SNX4: variants seen among roughly 807,000 people sequenced by gnomAD.
SNX4 encodes sorting nexin 4, also known as sorting nexin-4.
Under a neutral mutation model 70.8 loss-of-function variants are expected in SNX4, and 49 were observed. The observed-to-expected ratio is 0.69, with a 90% CI of 0.55 to 0.88. The LOEUF is 0.88. SNX4 is among the 40% of genes least tolerant of loss of function. The pLI is 0.00. For missense variants in SNX4, 528 were observed against 544.8 expected, an observed-to-expected ratio of 0.97 and a Z score of 0.31; for synonymous variants, 206 against 183.8, an observed-to-expected ratio of 1.12 and a Z score of -0.98.
At chr3:125,454,446 C>T (rs1158270650) in intron 11 of SNX4, among the ~76,000 whole-genome samples, 2 of 152,196 alleles carry the variant, frequency 1.3e-5, no homozygotes, top group African/African-American at 4.8e-5. Context: ...AGTTTCATCC[C>T]GAAATCATCC....
At chr3:125,451,867 T>C (rs1228924872) in intron 12 of SNX4, among the ~76,000 whole-genome samples, 2 of 152,104 alleles carry the variant, frequency 1.3e-5, no homozygotes, top group Non-Finnish European at 1.5e-5. Flanking sequence ...GCTCAGGTGA[T>C]CTGCCCACCT....
Position 125,446,697 on chromosome 3 carries a change from C to T in SNX4, c.*1082G>A, listed in dbSNP as rs1933430945. 6.6e-6 allele frequency: 1 copy of T among 152,356 alleles called. No homozygotes were observed. The highest frequency in any genetic ancestry group is 1.5e-5 in the Non-Finnish European group (1 of 67,982). 9.4% of individuals were successfully genotyped at this position (152,356 alleles called of 1,614,324 possible). A position where few individuals can be genotyped will look rare whatever the true frequency, so the allele number is the denominator to read the frequency against. On this transcript the variant is annotated 3_prime_UTR_variant, in exon 14 of 14. Transcript: ENST00000251775. ...TATTGTATAAGTTTGGCAAACAGCA[C>T]AAAAATCCAGCAACATTTAAAACAT...
At chr3:125,485,900 G>C (rs1001166590) in intron 6 of SNX4, among the ~76,000 whole-genome samples, 1 of 152,058 alleles carries the variant, frequency 6.6e-6, no homozygotes, top group African/African-American at 2.4e-5. Flanking sequence ...GAGTGCAATG[G>C]CGCGATCTTG....
intron 11 of SNX4, among the ~76,000 whole-genome samples, chr3:125,454,368 G>A (rs934354546): frequency 2.0e-5 from 3 of 152,292 alleles, no homozygotes; most frequent in Non-Finnish European, 4.4e-5. Flanking sequence ...TGTGAACTGC[G>A]CATGTGAGGG....
At chr3:125,489,308 A>G in intron 6 of SNX4, 100 bp downstream of exon 6, 3 of 880,114 alleles carry the variant, frequency 3.4e-6, no homozygotes. Flanking sequence ...TATGTAAACT[A>G]TTTAGCAAAT....
intron 5 of SNX4, among the ~76,000 whole-genome samples, chr3:125,492,107 C>CA (rs60558490): frequency 0.033 from 1,566 of 47,332 alleles, 177 homozygotes; most frequent in African/African-American, 0.074. Context: ...GACTCCATCT[C>CA]AAAAAAAAAA....
intron 1 of SNX4, among the ~76,000 whole-genome samples, chr3:125,513,128 G>A (rs1490818382): frequency 1.3e-5 from 2 of 152,120 alleles, no homozygotes; most frequent in African/African-American, 4.8e-5. Context: ...TAGGAGGTGG[G>A]GCCTTTGGAA....
At chr3:125,457,467 G>C in intron 10 of SNX4, 102 bp from the exon 11 acceptor site, 1 of 705,812 alleles carries the variant, frequency 1.4e-6, no homozygotes, top group East Asian at 3.3e-5. Context: ...CGCTAGGGCA[G>C]AATGTGTGTG....
Position 125,463,606 on chromosome 3 carries a change from C to T in SNX4, c.855-2746G>A, listed in dbSNP as rs148834727. 2.1e-3 allele frequency among the ~76,000 whole-genome samples: 323 copies of T among 152,170 alleles called. 2 individuals carry two copies. The highest frequency in any genetic ancestry group is 7.1e-3 in the African/African-American group (293 of 41,516). ...AGTAGCTAGTTGGTTTGGAACATGG[C>T]CTAAGGAAAAGTAATATTTAGATAA... On this transcript the variant is annotated intron_variant, in intron 9 of 13. Transcript: ENST00000251775.
chr3:125,459,089 A>G (rs893571174), intron 10 of SNX4, among the ~76,000 whole-genome samples: 3 of 152,196 alleles, frequency 2.0e-5, no homozygotes, highest in Admixed American at 6.5e-5. Flanking sequence ...CAGGAGAATC[A>G]CTTGTACCCA....
intron 6 of SNX4, among the ~76,000 whole-genome samples, chr3:125,485,252 A>G (rs1446588654): frequency 6.6e-6 from 1 of 152,178 alleles, no homozygotes; most frequent in East Asian, 1.9e-4. Context: ...TCTCAAAAAC[A>G]ACAAAGGCAA....
intron 2 of SNX4, among the ~76,000 whole-genome samples, chr3:125,502,461 T>C (rs1934949821): frequency 6.6e-6 from 1 of 152,174 alleles, no homozygotes; most frequent in Non-Finnish European, 1.5e-5. Context: ...AAACTTTTAT[T>C]TTAGGCAGAA....
rs1466466014 is a variant in SNX4, at chr3:125,514,192, T to A, written c.141+5840A>T. Among the ~76,000 whole-genome samples, 10 of 152,170 alleles carry A rather than the reference T, an allele frequency of 6.6e-5. No individual in the cohort carries two copies. The East Asian group carries it at 1.9e-3, about 29-fold the overall frequency. ...GACAGAAACATTCAATCCAAAGCAA[T>A]AACTAAGAAAAATAGGGTTATAACA... On this transcript the variant is annotated intron_variant, in intron 1 of 13. Transcript: ENST00000251775.
At chr3:125,473,501 C>T (rs145633201) in intron 8 of SNX4, among the ~76,000 whole-genome samples, 3 of 152,176 alleles carry the variant, frequency 2.0e-5, no homozygotes, top group Admixed American at 6.5e-5. Flanking sequence ...CTGCAACCTC[C>T]ACCTCCTAGT....
intron 2 of SNX4, among the ~76,000 whole-genome samples, chr3:125,500,675 G>A (rs904026399): frequency 1.6e-4 from 24 of 151,518 alleles, no homozygotes; most frequent in African/African-American, 5.1e-4. Context: ...GGTGTTGCGC[G>A]CCTGTAGTCC....
At chr3:125,458,774 C>T (rs1933794133) in intron 10 of SNX4, among the ~76,000 whole-genome samples, 1 of 133,624 alleles carries the variant, frequency 7.5e-6, no homozygotes, top group South Asian at 2.4e-4. Flanking sequence ...GAGATCACGC[C>T]ACTGCACTCC....
At chr3:125,492,107 CAAAAAAAAAAAAAAA>C (rs60558490) in intron 5 of SNX4, among the ~76,000 whole-genome samples, 7 of 47,400 alleles carry the variant, frequency 1.5e-4, no homozygotes, top group African/African-American at 5.1e-4. Flanking sequence ...GACTCCATCT[CAAAAAAAAAAAAAAA>C]AAAAAAAAAA....
intron 5 of SNX4, among the ~76,000 whole-genome samples, chr3:125,490,790 A>AC (rs566405809): frequency 0.067 from 10,227 of 151,736 alleles, 474 homozygotes; most frequent in Non-Finnish European, 0.1. Flanking sequence ...AAAAAAACAA[A>AC]AAAAAAAAGA....
chr3:125,479,633 G>T (rs1579990243), intron 7 of SNX4, among the ~76,000 whole-genome samples: 1 of 152,038 alleles, frequency 6.6e-6, no homozygotes, highest in East Asian at 1.9e-4. Flanking sequence ...ACCTTACCTG[G>T]TATCCTAGTC....
Sources: gnomAD v4.1 joint callset for allele counts (sites outside exome capture counted in the v4.1 genomes callset) on GRCh38, gnomAD v4.1.1 for gene constraint, MANE v1.5 for transcripts, NCBI Gene and HGNC (gene_info 2026-07-23, HGNC 2026-07-21) for gene names.